MYH14: variants seen among roughly 807,000 people sequenced by gnomAD.
MYH14 encodes myosin-14.
MYH14 carries 123 observed loss-of-function variants against 255.5 expected under a neutral mutation model. The ratio of observed to expected loss-of-function variants is 0.48; its 90% confidence interval spans 0.42 to 0.56. The LOEUF (loss-of-function observed/expected upper bound fraction) is 0.56, where lower values mean the gene tolerates loss of function less well. Ranked by LOEUF, MYH14 falls within the 20% of genes least tolerant of loss-of-function variation. The probability of loss-of-function intolerance (pLI) is 0.00; values close to 1 mark genes in which losing one functional copy is unlikely to be tolerated. For synonymous variants in MYH14, 1,095 were observed against 1,161.2 expected, an observed-to-expected ratio of 0.94 and a Z score of 1.16; for missense variants, 2,423 against 2,802.3, an observed-to-expected ratio of 0.86 and a Z score of 3.06.
intron 39 of MYH14, among the ~76,000 whole-genome samples, chr19:50,299,106 A>G (rs960444440): frequency 1.3e-5 from 2 of 152,112 alleles, no homozygotes; most frequent in African/African-American, 4.8e-5. Flanking sequence ...CAAAAAACAA[A>G]AAAGAAAGAA....
chr19:50,227,839 G>A (rs1034348076), intron 8 of MYH14, among the ~76,000 whole-genome samples: 5 of 152,152 alleles, frequency 3.3e-5, no homozygotes, highest in African/African-American at 1.2e-4. Context: ...ACGTGACTTG[G>A]CCTTTCCCTG....
At chr19:50,288,175 C>T (rs2035953946) in intron 34 of MYH14, among the ~76,000 whole-genome samples, 1 of 152,216 alleles carries the variant, frequency 6.6e-6, no homozygotes, top group South Asian at 2.1e-4. Flanking sequence ...CACAGGCCAC[C>T]CTCACTAATG....
intron 6 of MYH14, 22 bp from the exon 7 acceptor site, chr19:50,225,563 C>G: frequency 6.2e-7 from 1 of 1,603,642 alleles, no homozygotes; most frequent in Non-Finnish European, 8.5e-7. Flanking sequence ...TGACCTCATG[C>G]ATCATCTCCT....
Position 50,276,908 on chromosome 19 carries a change from TGGGGCAGGGGGACAGGGCAGGG to T in MYH14, c.3825+11_3825+32del. ...GCTGGAGCAGGCCCGGAGGGTGGGT[TGGGGCAGGGGGACAGGGCAGGG>T]GGGCCACGGGGAGGGCAGGGCAGGA... is the stretch of plus-strand genomic sequence containing the variant. On this transcript the variant is annotated splice_region_variant and intron_variant, in intron 29 of 42. Coordinates refer to ENST00000642316, the MANE Select transcript of MYH14 (RefSeq NM_001145809.2). The surrounding 1 kb of genome is among the most constrained non-coding windows in gnomAD (Gnocchi z 4.3). 1 of 689,238 alleles carries T rather than the reference TGGGGCAGGGGGACAGGGCAGGG, an allele frequency of 1.5e-6. No homozygotes were observed. Among genetic ancestry groups the T allele is most frequent in the Non-Finnish European group, 1.9e-6 (1 of 517,290 alleles). The allele number at this position is 689,238 out of a possible 1,614,324, so 42.7% of individuals were successfully genotyped here. A position where few individuals can be genotyped will look rare whatever the true frequency, so the allele number is the denominator to read the frequency against.
At chr19:50,215,051 G>A (rs976525731) in intron 2 of MYH14, among the ~76,000 whole-genome samples, 1 of 152,168 alleles carries the variant, frequency 6.6e-6, no homozygotes, top group Non-Finnish European at 1.5e-5. Flanking sequence ...AGCCCCGAGG[G>A]CTGGAGCAGC....
rs1219658594 is a variant in MYH14, at chr19:50,231,959, T to C, written c.1003T>C (p.Tyr335His). The C allele has an allele frequency of 1.9e-6, 3 of 1,613,952 alleles. No individual in the cohort carries two copies. The highest frequency in any genetic ancestry group is 1.7e-5 in the Admixed American group (1 of 60,026). Residue 335 changes from tyrosine (Y) to histidine (H), a missense_variant, in exon 10 of 43, where the codon TAC (tyrosine) becomes CAC (histidine). Physicochemically the swap from Tyr to His is moderately conservative, Grantham distance 83 (BLOSUM62 2). Transcript: ENST00000642316. ...CCTCCTCCTCGAGCCCTGCTCCCAC[T>C]ACCGGTTCCTGACCAACGGGCCGTC... ...ADLLLEPCSH[Y>H]RFLTNGPSSS...
intron 10 of MYH14, among the ~76,000 whole-genome samples, chr19:50,232,682 C>T (rs2033465869): frequency 6.7e-6 from 1 of 149,030 alleles, no homozygotes; most frequent in Admixed American, 6.7e-5. Context: ...AGCAGGGGCT[C>T]AGGGGAGGGT....
rs371235709 is a variant in MYH14, at chr19:50,309,805, C to T, written c.*15C>T. On this transcript the variant is annotated 3_prime_UTR_variant, in exon 43 of 43. Coordinates refer to ENST00000642316, the MANE Select transcript of MYH14 (RefSeq NM_001145809.2). ...ACCCCCAGTGACCCTACCCTGTCCC[C>T]AGATGCACTAACAGATGGGGCCCAG... The T allele has an allele frequency of 1.2e-4, 184 of 1,567,364 alleles. 1 individual carries two copies. In the African/African-American group the frequency reaches 2.3e-3, roughly 20 times the overall value.
Position 50,295,879 on chromosome 19 carries a change from G to A in MYH14, c.5469+2192G>A, listed in dbSNP as rs950149919. On this transcript the variant is annotated intron_variant, in intron 39 of 42. Coordinates refer to ENST00000642316, the MANE Select transcript of MYH14 (RefSeq NM_001145809.2). ...TATAATCCTAGCACTTTGGGAGGCT[G>A]AGGCGGGTAGATCATGAGGTCAGGA... 7.1e-4 allele frequency among the ~76,000 whole-genome samples: 108 copies of A among 152,076 alleles called. 1 individual carries two copies. Among genetic ancestry groups the A allele is most frequent in the Non-Finnish European group, 4.4e-4 (30 of 67,970 alleles).
chr19:50,217,834 C>T (rs2032572284), intron 3 of MYH14, 63 bp downstream of exon 3: 1 of 1,574,096 alleles, frequency 6.4e-7, no homozygotes, highest in Non-Finnish European at 8.6e-7. Flanking sequence ...TGACCTGGGG[C>T]TGCCGGAAGC....
In MYH14 at chr19:50,271,981, C is replaced by T. The variant is rs777334423; in HGVS notation, c.3295+9C>T. On this transcript the variant is annotated intron_variant, in intron 26 of 42. Coordinates refer to ENST00000642316, the MANE Select transcript of MYH14 (RefSeq NM_001145809.2). ...AATCGCAGACATGGAGGGTGAGCTCCCGCCCAGCCAGTAGGGGTCTGTGTG... is the reference window on the plus strand; with the variant it reads ...AATCGCAGACATGGAGGGTGAGCTCTCGCCCAGCCAGTAGGGGTCTGTGTG... 1 of 1,606,398 alleles carries T rather than the reference C, an allele frequency of 6.2e-7. No individual in the cohort carries two copies. Among genetic ancestry groups the T allele is most frequent in the Non-Finnish European group, 8.5e-7 (1 of 1,176,702 alleles).
intron 39 of MYH14, among the ~76,000 whole-genome samples, chr19:50,295,186 A>G (rs1389006453): frequency 5.3e-5 from 8 of 151,922 alleles, no homozygotes; most frequent in South Asian, 4.2e-4. Flanking sequence ...TTAGCCGGGC[A>G]TGGTGGCATG....
At chr19:50,249,454 T>C in intron 13 of MYH14, 196 bp from the exon 14 acceptor site, 1 of 642,190 alleles carries the variant, frequency 1.6e-6, no homozygotes, top group Middle Eastern at 4.4e-4. Flanking sequence ...TGTCTCTGGG[T>C]CTCTGTCCCC....
chr19:50,261,119 A>T (rs984142186), intron 20 of MYH14, among the ~76,000 whole-genome samples: 1 of 28,148 alleles, frequency 3.6e-5, no homozygotes, highest in Non-Finnish European at 6.6e-5. Flanking sequence ...CCTCCACATC[A>T]CCCCCTCCCC....
Position 50,206,667 on chromosome 19 carries a change from A to C in MYH14, c.-4+2996A>C, listed in dbSNP as rs867337535. ...GGTCTGGGAGGAAGTGGGTCCTCTCAGCGGAGCTGGGATTCCCGTGGGAGA... is the reference window on the plus strand; with the variant it reads ...GGTCTGGGAGGAAGTGGGTCCTCTCCGCGGAGCTGGGATTCCCGTGGGAGA... On this transcript the variant is annotated intron_variant, in intron 1 of 42. Coordinates refer to ENST00000642316, the MANE Select transcript of MYH14 (RefSeq NM_001145809.2). 4.6e-5 allele frequency among the ~76,000 whole-genome samples: 7 copies of C among 152,220 alleles called. No individual in the cohort carries two copies. The South Asian group carries it at 8.3e-4, about 18-fold the overall frequency.
chr19:50,213,791 G>A (rs948657544), intron 2 of MYH14, among the ~76,000 whole-genome samples: 2 of 152,070 alleles, frequency 1.3e-5, no homozygotes, highest in African/African-American at 4.8e-5. Flanking sequence ...CTAAAATATT[G>A]AGCATGCAGT....
At chr19:50,235,584 A>T (rs1380648672) in intron 10 of MYH14, among the ~76,000 whole-genome samples, 1 of 151,846 alleles carries the variant, frequency 6.6e-6, no homozygotes, top group Non-Finnish European at 1.5e-5. Context: ...GTTTGAGACC[A>T]GCCTGGGCAA....
At chr19:50,296,585 C>T (rs924835906) in intron 39 of MYH14, among the ~76,000 whole-genome samples, 2 of 152,056 alleles carry the variant, frequency 1.3e-5, no homozygotes, top group African/African-American at 4.8e-5. Flanking sequence ...CCAGCCTGGG[C>T]AACAGAGTGA....
In MYH14 at chr19:50,309,112, G is replaced by A; in HGVS notation, c.5895G>A (p.Leu1965=). 1 of 1,613,932 alleles carries A rather than the reference G, an allele frequency of 6.2e-7. No individual in the cohort carries two copies. Among genetic ancestry groups the A allele is most frequent in the Non-Finnish European group, 8.5e-7 (1 of 1,179,834 alleles). Reference sequence around the variant, plus strand: ...GCCGCCGGAGGCTGCAGCGTGAGCTGGAAGATGTCACAGAGTCGGCCGAGT... The same window carrying A: ...GCCGCCGGAGGCTGCAGCGTGAGCTAGAAGATGTCACAGAGTCGGCCGAGT... The part of the protein sequence containing the change: ...QAGRRRLQRE[L]EDVTESAESM... The change falls in exon 42 of 43, where the codon CTG becomes CTA. Residue 1965 remains leucine (L), a synonymous_variant. Transcript: ENST00000642316.
Sources: allele counts gnomAD v4.1 joint callset (sites outside exome capture counted in the v4.1 genomes callset), GRCh38; gene constraint gnomAD v4.1.1; non-coding constraint Gnocchi (gnomAD v3.1); transcripts MANE v1.5; gene names NCBI Gene and HGNC (gene_info 2026-07-23, HGNC 2026-07-21).